HPSE2: variants seen among roughly 807,000 people sequenced by gnomAD.
The protein encoded by HPSE2 is inactive heparanase-2.
A neutral mutation model predicts 60.5 loss-of-function variants in HPSE2; 38 were observed. The ratio of observed to expected loss-of-function variants is 0.63; its 90% CI spans 0.48 to 0.82. The LOEUF is 0.82. Among genes scored for constraint, HPSE2 ranks in the 40% least tolerant of loss-of-function variants. The pLI is 0.00. For missense variants in HPSE2, 713 were observed against 740.4 expected (o/e 0.96, Z 0.43); for synonymous variants, 295 against 293.2 (o/e 1.01, Z -0.06).
intron 6 of HPSE2, among the ~76,000 whole-genome samples, chr10:98,647,986 T>G (rs1160617832): frequency 2.6e-5 from 4 of 152,180 alleles, no homozygotes; most frequent in Admixed American, 6.5e-5. Flanking sequence ...AAAAATGTTA[T>G]AGAAAAATAG....
At chr10:99,305,979 G>GCGCACACA in the HPSE2 span, among the ~76,000 whole-genome samples, 200 of 80,586 alleles carry the variant, frequency 2.5e-3, 2 homozygotes, top group Middle Eastern at 6.8e-3. Context: ...GCGCGCGCGC[G>GCGCACACA]CACACACACA....
chr10:99,216,983 A>C (rs1849150764), intron 2 of HPSE2, among the ~76,000 whole-genome samples: 1 of 152,096 alleles, frequency 6.6e-6, no homozygotes, highest in African/African-American at 2.4e-5. Flanking sequence ...AAGCATTCTC[A>C]AGAATAGAAA....
At chr10:99,156,747 C>G (rs1405980427) in intron 2 of HPSE2, among the ~76,000 whole-genome samples, 2 of 129,578 alleles carry the variant, frequency 1.5e-5, no homozygotes, top group African/African-American at 5.1e-5. Context: ...AAAGTTCTGG[C>G]CAGGGCAATT....
At chr10:99,183,167 T>C (rs1008288443) in intron 2 of HPSE2, among the ~76,000 whole-genome samples, 1 of 152,048 alleles carries the variant, frequency 6.6e-6, no homozygotes, top group South Asian at 2.1e-4. Context: ...TCAGTAGTCT[T>C]ACTGAGTCAA....
chr10:99,203,206 G>A (rs1848633990), intron 2 of HPSE2, among the ~76,000 whole-genome samples: 1 of 151,898 alleles, frequency 6.6e-6, no homozygotes, highest in Admixed American at 6.6e-5. Flanking sequence ...CCAGCCCCCA[G>A]AGACTCAGAC....
At chr10:98,513,919 C>T (rs563771863) in intron 9 of HPSE2, among the ~76,000 whole-genome samples, 19 of 152,118 alleles carry the variant, frequency 1.2e-4, no homozygotes, top group East Asian at 1.9e-4. Context: ...ACCCAAAAGA[C>T]GTGAAAAGAG....
At chr10:99,062,385 G>C (rs1226042668) in intron 3 of HPSE2, among the ~76,000 whole-genome samples, 2 of 152,198 alleles carry the variant, frequency 1.3e-5, no homozygotes, top group African/African-American at 4.8e-5. Context: ...TTCTCAGTTA[G>C]ACAGAAGAAT....
intron 3 of HPSE2, among the ~76,000 whole-genome samples, chr10:99,001,544 G>C (rs1956776821): frequency 6.6e-6 from 1 of 151,980 alleles, no homozygotes; most frequent in African/African-American, 2.4e-5. Flanking sequence ...GTCCAGGTTA[G>C]TAAAAAGAAT....
intron 10 of HPSE2, among the ~76,000 whole-genome samples, chr10:98,483,084 C>CA (rs553289226): frequency 1.6e-4 from 24 of 151,566 alleles, no homozygotes; most frequent in East Asian, 7.7e-4. Context: ...ATGCTGATTG[C>CA]AAAAAAGGAA....
chr10:98,879,176 T>G (rs1189954658), intron 3 of HPSE2, among the ~76,000 whole-genome samples: 1 of 151,920 alleles, frequency 6.6e-6, no homozygotes, highest in Admixed American at 6.6e-5. Flanking sequence ...GCCAGCAAGA[T>G]ATGGGAGTTT....
chr10:98,479,138 T>C (rs1941136859), intron 11 of HPSE2, among the ~76,000 whole-genome samples: 1 of 152,194 alleles, frequency 6.6e-6, no homozygotes, highest in Admixed American at 6.5e-5. Flanking sequence ...CCCCATGTCC[T>C]CGAGCAATCA....
intron 9 of HPSE2, among the ~76,000 whole-genome samples, chr10:98,506,453 C>CT (rs573124661): frequency 5.3e-5 from 8 of 151,268 alleles, no homozygotes; most frequent in South Asian, 2.1e-4. Flanking sequence ...CCTTTTCTTT[C>CT]TTTTTTTTTG....
chr10:99,119,827 C>CA (rs1168635895), intron 3 of HPSE2, among the ~76,000 whole-genome samples: 1 of 152,150 alleles, frequency 6.6e-6, no homozygotes, highest in East Asian at 1.9e-4. Flanking sequence ...ACAAAGCTGA[C>CA]AAAAACAAGC....
intron 3 of HPSE2, among the ~76,000 whole-genome samples, chr10:98,957,459 T>C (rs1955538359): frequency 6.6e-6 from 1 of 152,174 alleles, no homozygotes; most frequent in Non-Finnish European, 1.5e-5. Context: ...AAGACTGGCA[T>C]ATTAGACTTA....
intron 11 of HPSE2, among the ~76,000 whole-genome samples, chr10:98,467,157 C>T (rs1010396471): frequency 1.3e-5 from 2 of 152,144 alleles, no homozygotes; most frequent in African/African-American, 2.4e-5. Flanking sequence ...GGGGTGCTCC[C>T]ACAGGACCCA....
chr10:98,552,293 GATCATCATCATC>G (rs6144046), intron 9 of HPSE2, among the ~76,000 whole-genome samples: 9 of 151,244 alleles, frequency 6.0e-5, no homozygotes, highest in Admixed American at 2.0e-4. Context: ...GTGTAATGGA[GATCATCATCATC>G]ATCATCATCA....
rs575209114 is a variant in HPSE2, at chr10:98,484,253, CCTTT to C, written c.1467-1475_1467-1472del. Among the ~76,000 whole-genome samples, 546 of 151,420 alleles carry C rather than the reference CCTTT, an allele frequency of 3.6e-3. 4 individuals are homozygous for C. The highest frequency in any genetic ancestry group is 0.012 in the African/African-American group (499 of 41,234). Reference sequence around the variant, plus strand: ...TTTTTCTTTCCTTTCTTCCTTCCTTCCTTTCTTTCTTTTTTTCTCTGTCGCCCAG... The same window carrying C: ...TTTTTCTTTCCTTTCTTCCTTCCTTCCTTTCTTTTTTTCTCTGTCGCCCAG... On this transcript the variant is annotated intron_variant, in intron 10 of 11. Transcript: ENST00000370552.
At chr10:99,276,124 AATT>A in the HPSE2 span, among the ~76,000 whole-genome samples, 1 of 152,192 alleles carries the variant, frequency 6.6e-6, no homozygotes, top group Non-Finnish European at 1.5e-5. Flanking sequence ...AATGCCCAAT[AATT>A]ATGTTGAAAA....
intron 3 of HPSE2, among the ~76,000 whole-genome samples, chr10:98,909,060 G>T (rs1953906587): frequency 6.6e-6 from 1 of 152,130 alleles, no homozygotes; most frequent in Non-Finnish European, 1.5e-5. Context: ...AGTCAGTTAT[G>T]CCATCAAGGT....
Sources: allele counts gnomAD v4.1 joint callset (sites outside exome capture counted in the v4.1 genomes callset), GRCh38; gene constraint gnomAD v4.1.1; transcripts MANE v1.5; gene names NCBI Gene and HGNC (gene_info 2026-07-23, HGNC 2026-07-21).